The following MAP3K20 variants were observed in gnomAD, a reference collection of about 807,000 sequenced individuals.
MAP3K20 encodes HCCS-4.
In MAP3K20, 40 loss-of-function variants were observed where a neutral mutation model predicts 85.7. The observed-to-expected ratio is 0.47, with a 90% confidence interval of 0.36 to 0.61. The LOEUF is 0.61. Ranked by LOEUF, MAP3K20 falls within the 20% of genes least tolerant of loss-of-function variation. MAP3K20 has a pLI of 0.00. For missense variants in MAP3K20, 817 were observed against 961.7 expected (o/e 0.85, Z 1.99); for synonymous variants, 325 against 327.7 (o/e 0.99, Z 0.09).
At chr2:173,185,479 C>A (rs1040556882) in intron 4 of MAP3K20, among the ~76,000 whole-genome samples, 1 of 151,788 alleles carries the variant, frequency 6.6e-6, no homozygotes, top group Non-Finnish European at 1.5e-5. Flanking sequence ...CTTCAGCTTT[C>A]TCTGATAAGC....
intron 6 of MAP3K20, 34 bp from the exon 7 acceptor site, chr2:173,191,006 A>T (rs1359403090): frequency 6.2e-7 from 1 of 1,610,058 alleles, no homozygotes; most frequent in African/African-American, 1.3e-5. Flanking sequence ...TTAGCCAATA[A>T]GTAGAAAGTT....
chr2:173,224,012 A>T (rs1226057710), intron 11 of MAP3K20: 1 of 984,680 alleles, frequency 1.0e-6, no homozygotes. Context: ...TCTGTGCCAG[A>T]CACTGTTCTG....
intron 11 of MAP3K20, chr2:173,221,469 G>A: frequency 6.2e-7 from 1 of 1,611,732 alleles, no homozygotes; most frequent in East Asian, 2.2e-5. Context: ...TTGTCAGAAG[G>A]TGACGATGAT....
At chr2:173,172,839 G>A (rs575245385) in intron 3 of MAP3K20, among the ~76,000 whole-genome samples, 132 of 149,624 alleles carry the variant, frequency 8.8e-4, no homozygotes, top group Non-Finnish European at 1.4e-3. Context: ...TTGCTGTGTC[G>A]CCAGGCTGAG....
At chr2:173,166,969 G>T (rs1214725833) in intron 2 of MAP3K20, 2 of 138,756 alleles carry the variant, frequency 1.4e-5, no homozygotes, top group African/African-American at 5.5e-5. Flanking sequence ...CTGGACTGCA[G>T]TGGCGCTATC....
chr2:173,248,992 G>A (rs960504255), intron 16 of MAP3K20, among the ~76,000 whole-genome samples: 1 of 152,182 alleles, frequency 6.6e-6, no homozygotes, highest in Non-Finnish European at 1.5e-5. Context: ...TCCATTGTCA[G>A]TTGGCTTAGG....
At chr2:173,175,957 G>GATTTTAAATTATA (rs1690140507) in intron 3 of MAP3K20, among the ~76,000 whole-genome samples, 1 of 152,010 alleles carries the variant, frequency 6.6e-6, no homozygotes, top group South Asian at 2.1e-4. Context: ...ATCTATTTTA[G>GATTTTAAATTATA]TTAATATTTT....
intron 2 of MAP3K20, among the ~76,000 whole-genome samples, chr2:173,149,358 A>G (rs1249794942): frequency 1.3e-5 from 2 of 152,178 alleles, no homozygotes; most frequent in East Asian, 3.9e-4. Flanking sequence ...ACATTAGTGG[A>G]GAAAATGGTG....
chr2:173,246,364 T>C (rs1684913129), intron 16 of MAP3K20, among the ~76,000 whole-genome samples: 1 of 152,230 alleles, frequency 6.6e-6, no homozygotes, highest in Non-Finnish European at 1.5e-5. Context: ...CAAAGTGCCC[T>C]GTGTTTTACA....
chr2:173,151,637 T>A (rs1282466196), intron 2 of MAP3K20, among the ~76,000 whole-genome samples: 1 of 152,224 alleles, frequency 6.6e-6, no homozygotes, highest in Non-Finnish European at 1.5e-5. Context: ...GGCATGTACA[T>A]CTATGTGATT....
intron 11 of MAP3K20, chr2:173,227,248 C>T (rs997405843): frequency 3.6e-6 from 2 of 560,156 alleles, no homozygotes; most frequent in African/African-American, 4.1e-5. Context: ...CAAGTGTTAG[C>T]TTTTCTCTCC....
At chr2:173,213,393 C>T (rs567781017) in intron 10 of MAP3K20, among the ~76,000 whole-genome samples, 1 of 152,164 alleles carries the variant, frequency 6.6e-6, no homozygotes, top group Non-Finnish European at 1.5e-5. Flanking sequence ...ATATCTTGAC[C>T]TGAACCAGTA....
chr2:173,223,298 T>C, intron 11 of MAP3K20: 1 of 957,866 alleles, frequency 1.0e-6, no homozygotes. Context: ...GGGAAAATTG[T>C]TTTATCTTTG....
At chr2:173,214,140 TTC>T (rs1683998347) in intron 10 of MAP3K20, 1 of 152,250 alleles carries the variant, frequency 6.6e-6, no homozygotes, top group Non-Finnish European at 1.5e-5. Context: ...TATTCTGAAA[TTC>T]TTTTTAAAAC....
chr2:173,227,001 T>G (rs916155418), intron 11 of MAP3K20: 11 of 985,838 alleles, frequency 1.1e-5, no homozygotes, highest in Non-Finnish European at 1.3e-5. Context: ...TTACTGATTT[T>G]ATAGTTGGAA....
intron 3 of MAP3K20, among the ~76,000 whole-genome samples, chr2:173,181,408 GA>G (rs1458182413): frequency 6.6e-6 from 1 of 151,946 alleles, no homozygotes. Flanking sequence ...AGGATGTGGA[GA>G]AACTGAAACC....
chr2:173,076,190 C>T (rs1686852408), intron 1 of MAP3K20, among the ~76,000 whole-genome samples, 188 bp downstream of exon 1: 1 of 151,480 alleles, frequency 6.6e-6, no homozygotes, highest in Admixed American at 6.6e-5. Flanking sequence ...CCGGAGCGAG[C>T]GGGCGGGCGA....
At chr2:173,157,743 T>C (rs1030528047) in intron 2 of MAP3K20, among the ~76,000 whole-genome samples, 1 of 152,128 alleles carries the variant, frequency 6.6e-6, no homozygotes, top group Non-Finnish European at 1.5e-5. Flanking sequence ...AGCTATAAAA[T>C]TGGTTGATGC....
chr2:173,118,579 TG>T (rs1309837319), intron 2 of MAP3K20, among the ~76,000 whole-genome samples: 1 of 152,186 alleles, frequency 6.6e-6, no homozygotes, highest in Non-Finnish European at 1.5e-5. Context: ...TCTCCAGCTT[TG>T]GTGTTCACAA....
Sources: gnomAD v4.1 joint callset for allele counts (sites outside exome capture counted in the v4.1 genomes callset) on GRCh38, gnomAD v4.1.1 for gene constraint, MANE v1.5 for transcripts, NCBI Gene and HGNC (gene_info 2026-07-23, HGNC 2026-07-21) for gene names.